The following SLCO5A1 variants were observed in gnomAD, a reference collection of about 807,000 sequenced individuals.
SLCO5A1 encodes the protein solute carrier organic anion transporter family member 5A1, also known as organic anion transporter polypeptide-related protein 4.
Under a neutral mutation model 65.1 loss-of-function variants are expected in SLCO5A1, and 39 were observed. That is an observed-to-expected ratio of 0.60 (90% CI 0.46 to 0.78). The LOEUF is 0.78. Ranked by LOEUF, SLCO5A1 falls within the 30% of genes least tolerant of loss-of-function variation. The pLI is 0.00. For missense variants in SLCO5A1, 1,029 were observed against 1,069.4 expected (o/e 0.96, Z 0.53); for synonymous variants, 438 against 415.7 (o/e 1.05, Z -0.65).
intron 4 of SLCO5A1, among the ~76,000 whole-genome samples, chr8:69,755,173 C>T (rs1029377368): frequency 1.3e-5 from 2 of 152,150 alleles, no homozygotes; most frequent in East Asian, 3.9e-4. Flanking sequence ...GCAAAATACA[C>T]AAATGATGAA....
intron 5 of SLCO5A1, among the ~76,000 whole-genome samples, chr8:69,720,633 C>G (rs1458355328): frequency 6.6e-6 from 1 of 152,172 alleles, no homozygotes; most frequent in Non-Finnish European, 1.5e-5. Flanking sequence ...CAAGAGAAAA[C>G]GTCATGTTTT....
intron 2 of SLCO5A1, among the ~76,000 whole-genome samples, chr8:69,773,622 C>A (rs954183230): frequency 6.6e-6 from 1 of 152,224 alleles, no homozygotes; most frequent in Admixed American, 6.5e-5. Context: ...GAAAGAAACA[C>A]CACCCTCAAC....
chr8:69,721,568 A>G (rs960615046), intron 5 of SLCO5A1, among the ~76,000 whole-genome samples: 2 of 152,192 alleles, frequency 1.3e-5, no homozygotes, highest in African/African-American at 4.8e-5. Flanking sequence ...TCCCATAAAC[A>G]TACACTTAAA....
chr8:69,680,454 A>G (rs58098569), intron 7 of SLCO5A1, among the ~76,000 whole-genome samples: 4,403 of 152,226 alleles, frequency 0.029, 221 homozygotes, highest in African/African-American at 0.099. Context: ...GTTGCTGCCA[A>G]GGTCATGATT....
At chr8:69,761,456 G>C (rs371086532) in intron 3 of SLCO5A1, 1 of 310,180 alleles carries the variant, frequency 3.2e-6, no homozygotes, top group Non-Finnish European at 5.9e-6. Context: ...TCCTGCTTCC[G>C]TCTTTCCTTT....
intron 4 of SLCO5A1, among the ~76,000 whole-genome samples, chr8:69,743,347 T>TTTTG (rs971280452): frequency 1.8e-4 from 27 of 152,250 alleles, no homozygotes; most frequent in East Asian, 7.7e-4. Context: ...AGGTCTTTAT[T>TTTTG]TTTGTTTGTT....
intron 4 of SLCO5A1, among the ~76,000 whole-genome samples, chr8:69,748,824 G>A (rs1018759834): frequency 1.3e-5 from 2 of 152,180 alleles, no homozygotes; most frequent in African/African-American, 4.8e-5. Context: ...CAGACCTACT[G>A]AATCGGAGAC....
At position 69,749,379 on chromosome 8, in the gene SLCO5A1, G is replaced by A. The variant is rs1817177361; in HGVS notation, c.1258+6045C>T. On this transcript the variant is annotated intron_variant, in intron 4 of 9. Transcript: ENST00000260126. ...CACACCTGTAATCCCAACATTTTGG[G>A]AGGCCGAGGCAATGGATCATCTGAG... Among the ~76,000 whole-genome samples, 5 of 152,128 alleles carry A rather than the reference G, an allele frequency of 3.3e-5. 1 individual carries two copies. The South Asian group carries it at 1.0e-3, about 31-fold the overall frequency.
At chr8:69,735,500 C>T (rs1748453776) in intron 5 of SLCO5A1, among the ~76,000 whole-genome samples, 1 of 152,146 alleles carries the variant, frequency 6.6e-6, no homozygotes, top group South Asian at 2.1e-4. Flanking sequence ...TAAAACGGAA[C>T]AAAATCATGT....
At chr8:69,772,357 C>CA (rs58929782) in intron 2 of SLCO5A1, among the ~76,000 whole-genome samples, 22 of 150,230 alleles carry the variant, frequency 1.5e-4, no homozygotes, top group South Asian at 8.4e-4. Context: ...TTCATCTCTA[C>CA]AAAAAAAAAT....
chr8:69,777,837 CT>C (rs1818623449), intron 2 of SLCO5A1, among the ~76,000 whole-genome samples: 1 of 152,298 alleles, frequency 6.6e-6, no homozygotes, highest in East Asian at 1.9e-4. Flanking sequence ...GCAGACGGTC[CT>C]TCCTCTGAGT....
intron 5 of SLCO5A1, among the ~76,000 whole-genome samples, chr8:69,727,632 T>A (rs1448738692): frequency 1.3e-5 from 2 of 152,086 alleles, no homozygotes. Flanking sequence ...TGGCTCAGAG[T>A]GGAAGCCTAA....
At chr8:69,701,103 G>A (rs115743786) in intron 6 of SLCO5A1, among the ~76,000 whole-genome samples, 4,419 of 152,182 alleles carry the variant, frequency 0.029, 195 homozygotes, top group African/African-American at 0.098. Context: ...CAAGGAGTGG[G>A]GAAATGGAAC....
intron 3 of SLCO5A1, among the ~76,000 whole-genome samples, chr8:69,757,000 A>G (rs928739836): frequency 3.9e-5 from 6 of 152,260 alleles, no homozygotes; most frequent in African/African-American, 1.2e-4. Context: ...AAGCAGCATC[A>G]TAAGTATTAA....
At chr8:69,707,821 G>T (rs1361145815) in intron 5 of SLCO5A1, among the ~76,000 whole-genome samples, 1 of 152,102 alleles carries the variant, frequency 6.6e-6, no homozygotes, top group Non-Finnish European at 1.5e-5. Context: ...ACCAGATGAA[G>T]GAAGAAATCT....
intron 6 of SLCO5A1, among the ~76,000 whole-genome samples, chr8:69,697,934 C>T (rs1038133357): frequency 7.9e-5 from 12 of 151,286 alleles, no homozygotes; most frequent in Non-Finnish European, 4.4e-5. Context: ...ATGTGTTAAG[C>T]GGGTTTGGTG....
chr8:69,753,909 G>A (rs1173694744), intron 4 of SLCO5A1, among the ~76,000 whole-genome samples: 3 of 150,962 alleles, frequency 2.0e-5, no homozygotes, highest in Non-Finnish European at 4.4e-5. Flanking sequence ...CCAGCTGTTC[G>A]GGAGGCTGAG....
intron 5 of SLCO5A1, among the ~76,000 whole-genome samples, chr8:69,723,509 C>G (rs931606522): frequency 5.3e-5 from 8 of 151,964 alleles, no homozygotes; most frequent in African/African-American, 1.9e-4. Context: ...TCTCGGCCTC[C>G]CAAGGTGCTA....
At chr8:69,815,830 A>C (rs1019858338) in intron 2 of SLCO5A1, among the ~76,000 whole-genome samples, 13 of 152,162 alleles carry the variant, frequency 8.5e-5, no homozygotes, top group Non-Finnish European at 1.8e-4. Context: ...ATATTTTTGC[A>C]CCCACTAAAA....
Sources: allele counts gnomAD v4.1 joint callset (sites outside exome capture counted in the v4.1 genomes callset), GRCh38; gene constraint gnomAD v4.1.1; transcripts MANE v1.5; gene names NCBI Gene and HGNC (gene_info 2026-07-23, HGNC 2026-07-21).